The following ANKRD36B variants were observed in gnomAD, a reference collection of about 807,000 sequenced individuals.
ANKRD36B encodes the protein ankyrin repeat domain 36B, also known as ankyrin repeat domain-containing protein 36B.
Under a neutral mutation model 135.7 loss-of-function variants are expected in ANKRD36B, and 37 were observed. The ratio of observed to expected loss-of-function variants is 0.27; its 90% CI spans 0.21 to 0.36. ANKRD36B has a LOEUF of 0.36. ANKRD36B is among the 10% of genes least tolerant of loss of function. The probability of loss-of-function intolerance (pLI) is 1.00; values close to 1 mark genes in which losing one functional copy is unlikely to be tolerated. For missense variants in ANKRD36B, 549 were observed against 1,037.1 expected (o/e 0.53, Z 6.46); for synonymous variants, 179 against 348.1 (o/e 0.51, Z 5.41).
chr2:97,584,805 TAGAC>T (rs2082866951), intron 3 of ANKRD36B, 135 bp downstream of exon 3: 3 of 700,936 alleles, frequency 4.3e-6, no homozygotes, highest in East Asian at 2.8e-5. Flanking sequence ...AGTAAAATCT[TAGAC>T]AGTTAAGGCA....
At chr2:97,565,214 T>C (rs2081340591) in intron 6 of ANKRD36B, among the ~76,000 whole-genome samples, 1 of 152,154 alleles carries the variant, frequency 6.6e-6, no homozygotes, top group East Asian at 1.9e-4. Flanking sequence ...TGACTTTGTA[T>C]CCTGAGACTA....
chr2:97,525,254 TGTG>T lies in ANKRD36B; in HGVS notation c.2266-1790_2266-1788del, dbSNP rs1481787694. Reference sequence around the variant, plus strand: ...CCCAAAAATGAATTAGGAGATGACTTGTGGTACTATAAAGGCACTGTCACTTTA... The same window carrying T: ...CCCAAAAATGAATTAGGAGATGACTTGTACTATAAAGGCACTGTCACTTTA... On this transcript the variant is annotated intron_variant, in intron 35 of 43. Coordinates refer to ENST00000359901, the MANE Select transcript of ANKRD36B (RefSeq NM_001393939.1). Among the ~76,000 whole-genome samples the T allele has an allele frequency of 3.1e-5, 3 of 96,758 alleles. 1 individual carries two copies. The highest frequency in any genetic ancestry group is 2.8e-4 in the Admixed American group (3 of 10,906). 63.5% of individuals were successfully genotyped at this position (96,758 alleles called of 152,430 possible). A position where few individuals can be genotyped will look rare whatever the true frequency, so the allele number is the denominator to read the frequency against.
At chr2:97,497,090 T>C (rs1248524354) in intron 43 of ANKRD36B, among the ~76,000 whole-genome samples, 1 of 16,712 alleles carries the variant, frequency 6.0e-5, no homozygotes, top group East Asian at 5.8e-4. Flanking sequence ...CATCTGGATT[T>C]TTTTAGAAAG....
At chr2:97,519,940 A>C (rs2077913123) in intron 36 of ANKRD36B, among the ~76,000 whole-genome samples, 1 of 88,442 alleles carries the variant, frequency 1.1e-5, no homozygotes, top group African/African-American at 3.3e-5. Flanking sequence ...AAGGAGGCTA[A>C]ACATGTATTG....
intron 18 of ANKRD36B, among the ~76,000 whole-genome samples, chr2:97,550,566 C>G (rs574124268): frequency 6.6e-6 from 1 of 151,892 alleles, no homozygotes; most frequent in East Asian, 2.0e-4. Context: ...TGTTCATATT[C>G]AAGTTTATCT....
At chr2:97,530,528 T>C (rs1467694737) in intron 35 of ANKRD36B, among the ~76,000 whole-genome samples, 3 of 95,620 alleles carry the variant, frequency 3.1e-5, no homozygotes, top group African/African-American at 6.3e-5. Flanking sequence ...CCAAAAGCAA[T>C]GGCAACAAAA....
At chr2:97,570,830 A>C (rs2081798125) in intron 6 of ANKRD36B, among the ~76,000 whole-genome samples, 1 of 152,342 alleles carries the variant, frequency 6.6e-6, no homozygotes, top group South Asian at 2.1e-4. Flanking sequence ...ATCACCAAAC[A>C]CAGAGGTGGT....
At chr2:97,527,569 G>A (rs2078286747) in intron 35 of ANKRD36B, among the ~76,000 whole-genome samples, 1 of 94,016 alleles carries the variant, frequency 1.1e-5, no homozygotes, top group Non-Finnish European at 2.8e-5. Context: ...AACTTTAAAT[G>A]TAAATGGACT....
At chr2:97,550,406 T>C (rs1478813234) in intron 18 of ANKRD36B, among the ~76,000 whole-genome samples, 5 of 152,062 alleles carry the variant, frequency 3.3e-5, no homozygotes, top group Non-Finnish European at 5.9e-5. Context: ...CAATATTCTT[T>C]GACAATGATC....
At chr2:97,572,240 C>T (rs757008973) in intron 6 of ANKRD36B, among the ~76,000 whole-genome samples, 61 of 149,476 alleles carry the variant, frequency 4.1e-4, no homozygotes, top group Non-Finnish European at 7.2e-4. Context: ...TATGATCACA[C>T]TATTGTACTC....
intron 6 of ANKRD36B, among the ~76,000 whole-genome samples, chr2:97,563,442 A>G (rs1053536715): frequency 1.3e-5 from 2 of 152,048 alleles, no homozygotes; most frequent in African/African-American, 4.8e-5. Flanking sequence ...ACACACACAC[A>G]CACACACACA....
intron 5 of ANKRD36B, among the ~76,000 whole-genome samples, chr2:97,578,631 G>T (rs1352612155): frequency 6.6e-6 from 1 of 151,978 alleles, no homozygotes; most frequent in Admixed American, 6.6e-5. Context: ...GGGTTATACT[G>T]GAAATAAAAT....
intron 6 of ANKRD36B, among the ~76,000 whole-genome samples, chr2:97,574,905 T>C (rs1278301515): frequency 6.6e-6 from 1 of 152,090 alleles, no homozygotes; most frequent in Non-Finnish European, 1.5e-5. Context: ...ACGTAGCTTC[T>C]GCAGTTACAA....
intron 15 of ANKRD36B, 45 bp downstream of exon 15, chr2:97,553,298 G>C (rs1485728326): frequency 1.9e-6 from 3 of 1,606,200 alleles, no homozygotes; most frequent in East Asian, 2.3e-5. Flanking sequence ...ATGTTTCATA[G>C]ACTATAGATT....
chr2:97,557,032 T>C lies in ANKRD36B; in HGVS notation c.997-23A>G, dbSNP rs542403943. On this transcript the variant is annotated intron_variant, in intron 11 of 43. Coordinates refer to ENST00000359901, the MANE Select transcript of ANKRD36B (RefSeq NM_001393939.1). ...AACCTGAATGGAAAGAGAAACAAAATAGTCAATACATAATATATATTTCAT... is the reference window on the plus strand; with the variant it reads ...AACCTGAATGGAAAGAGAAACAAAACAGTCAATACATAATATATATTTCAT... The C allele has an allele frequency of 4.6e-5, 72 of 1,549,244 alleles. 1 individual carries two copies. The African/African-American group carries it at 8.8e-4, about 19-fold the overall frequency.
chr2:97,586,297 T>C (rs2082987921), intron 1 of ANKRD36B, among the ~76,000 whole-genome samples: 1 of 152,090 alleles, frequency 6.6e-6, no homozygotes, highest in African/African-American at 2.4e-5. Context: ...TTATGTAAAT[T>C]AGGTATTTGC....
intron 6 of ANKRD36B, among the ~76,000 whole-genome samples, chr2:97,565,859 C>T (rs1251164190): frequency 8.6e-6 from 1 of 116,822 alleles, no homozygotes; most frequent in African/African-American, 2.6e-5. Flanking sequence ...TGGGCATATA[C>T]TCGGGGTGTG....
Position 97,529,828 on chromosome 2 carries a change from C to G in ANKRD36B, c.2265+2483G>C, listed in dbSNP as rs1356960059. ...AATTGCTTCAAAGAGAATAAAATAC[C>G]TAGGAATCCAACTTACAAGGGACGT... On this transcript the variant is annotated intron_variant, in intron 35 of 43. Coordinates refer to ENST00000359901, the MANE Select transcript of ANKRD36B (RefSeq NM_001393939.1). Among the ~76,000 whole-genome samples the G allele has an allele frequency of 2.1e-5, 2 of 95,068 alleles. 1 individual carries two copies. Among genetic ancestry groups the G allele is most frequent in the Non-Finnish European group, 5.6e-5 (2 of 35,708 alleles). The allele number at this position is 95,068 out of a possible 152,430, so 62.4% of individuals were successfully genotyped here. A position where few individuals can be genotyped will look rare whatever the true frequency, so the allele number is the denominator to read the frequency against.
chr2:97,535,785 G>T (rs1286632385), intron 34 of ANKRD36B, among the ~76,000 whole-genome samples: 2 of 95,994 alleles, frequency 2.1e-5, no homozygotes, highest in African/African-American at 6.1e-5. Context: ...ATATTTTTAG[G>T]CCAGGCATGG....
Sources: gnomAD v4.1 joint callset for allele counts (sites outside exome capture counted in the v4.1 genomes callset) on GRCh38, gnomAD v4.1.1 for gene constraint, MANE v1.5 for transcripts, NCBI Gene and HGNC (gene_info 2026-07-23, HGNC 2026-07-21) for gene names.